Variants in COPS9 observed in about 807,000 individuals in gnomAD.
The protein encoded by COPS9 is COP9 signalosome complex subunit 9.
COPS9 carries 8 observed loss-of-function variants against 7.2 expected under a neutral mutation model. The ratio of observed to expected loss-of-function variants is 1.11; its 90% CI spans 0.65 to 2.00. The LOEUF (loss-of-function observed/expected upper bound fraction) is 2.00. Among genes scored for constraint, COPS9 ranks in the 30% most tolerant of loss-of-function variants. The pLI is 0.00. For synonymous variants in COPS9, 39 were observed against 28.7 expected (o/e 1.36, Z -1.14); for missense variants, 74 against 77.7 (o/e 0.95, Z 0.18).
chr2:240,136,051 G>C, intron 1 of COPS9, 171 bp downstream of exon 1: 1 of 1,109,928 alleles, frequency 9.0e-7, no homozygotes. Context: ...CCTTTCACCA[G>C]GTGCTCGGAG....
Position 240,130,935 on chromosome 2 carries a change from G to C in COPS9, c.*116C>G. 1 of 1,501,866 alleles carries C rather than the reference G, an allele frequency of 6.7e-7. No individual in the cohort carries two copies. Among genetic ancestry groups the C allele is most frequent in the Non-Finnish European group, 8.9e-7 (1 of 1,124,976 alleles). 93.0% of individuals were successfully genotyped at this position (1,501,866 alleles called of 1,614,324 possible). A position where few individuals can be genotyped will look rare whatever the true frequency, so the allele number is the denominator to read the frequency against. Reference sequence around the variant, plus strand: ...CAGTCTTATCTTTCTGGTTAACCAGGTCCTAAATTCAAGGGATTTCCACGT... The same window carrying C: ...CAGTCTTATCTTTCTGGTTAACCAGCTCCTAAATTCAAGGGATTTCCACGT... On this transcript the variant is annotated 3_prime_UTR_variant, in exon 3 of 3. Coordinates refer to ENST00000607357, the MANE Select transcript of COPS9 (RefSeq NM_001163424.2).
intron 1 of COPS9, 51 bp from the exon 2 acceptor site, chr2:240,134,056 G>A (rs376569595): frequency 3.2e-6 from 5 of 1,568,528 alleles, no homozygotes; most frequent in Non-Finnish European, 4.4e-6. Flanking sequence ...CGAAAGAACA[G>A]GTGATAAGTG....
chr2:240,126,671 T>C, downstream of COPS9: 2 of 1,614,200 alleles, frequency 1.2e-6, no homozygotes, highest in South Asian at 2.2e-5. Flanking sequence ...GAGTAGAAAC[T>C]GATATTGTGC....
chr2:240,126,676 T>C (rs146329964), downstream of COPS9: 14 of 1,614,104 alleles, frequency 8.7e-6, no homozygotes, highest in South Asian at 6.6e-5. Context: ...GAAACTGATA[T>C]TGTGCTGTCT....
At chr2:240,136,033 G>T (rs551524839) in intron 1 of COPS9, 189 bp downstream of exon 1, 1 of 965,478 alleles carries the variant, frequency 1.0e-6, no homozygotes. Flanking sequence ...CGCCGCGGTC[G>T]GTCGCCGCCT....
chr2:240,127,795 T>C (rs1299907006), downstream of COPS9, among the ~76,000 whole-genome samples: 1 of 152,166 alleles, frequency 6.6e-6, no homozygotes, highest in Non-Finnish European at 1.5e-5. Flanking sequence ...TTGTTTACAC[T>C]TAAGAAATGC....
rs1052861906 is a variant in COPS9 at position 240,132,124 on chromosome 2, C to T, written c.137-1036G>A. On this transcript the variant is annotated intron_variant, in intron 2 of 2. Coordinates refer to ENST00000607357, the MANE Select transcript of COPS9 (RefSeq NM_001163424.2). This position sits in a 1 kb window ranked among gnomAD's most constrained non-coding sequence, Gnocchi z 4.1. ...GCTCTGCTGCCCCCTCTGGAGAAACCTCCCTCTGCAGTGCTCCCAGAAACA... is the reference window on the plus strand; with the variant it reads ...GCTCTGCTGCCCCCTCTGGAGAAACTTCCCTCTGCAGTGCTCCCAGAAACA... Among the ~76,000 whole-genome samples, 2 of 152,202 alleles carry T rather than the reference C, an allele frequency of 1.3e-5. No individual in the cohort carries two copies. The highest frequency in any genetic ancestry group is 4.8e-5 in the African/African-American group (2 of 41,448).
At chr2:240,134,125 G>T in intron 1 of COPS9, 120 bp from the exon 2 acceptor site, 1 of 855,000 alleles carries the variant, frequency 1.2e-6, no homozygotes, top group Non-Finnish European at 1.9e-6. Context: ...ACAGGCTCAA[G>T]TTGGAGTCAA....
chr2:240,134,015 G>A lies in COPS9; in HGVS notation c.64-10C>T, dbSNP rs1319606783. ...CGGTGCTGCCTCCCGCCTGGGGAAT[G>A]GAAAGGCAAGGTTATGTCAGGTGCG... On this transcript the variant is annotated splice_polypyrimidine_tract_variant and intron_variant, in intron 1 of 2. Transcript: ENST00000607357. The A allele has an allele frequency of 1.9e-6, 3 of 1,614,090 alleles. No individual in the cohort carries two copies. The East Asian group carries it at 6.7e-5, about 36-fold the overall frequency.
At position 240,130,989 on chromosome 2, in the gene COPS9, G is replaced by C. The variant is rs756462534; in HGVS notation, c.*62C>G. ...CTTTAAAACCACCTGAAACTGTCCT[G>C]CGCAGGCTCACACTGCGGCTCTGTA... is the stretch of plus-strand genomic sequence containing the variant. On this transcript the variant is annotated 3_prime_UTR_variant, in exon 3 of 3. Transcript: ENST00000607357. The C allele has an allele frequency of 6.3e-7, 1 of 1,596,514 alleles. No individual in the cohort carries two copies. The highest frequency in any genetic ancestry group is 8.5e-7 in the Non-Finnish European group (1 of 1,172,622).
rs2071951851 is a variant in COPS9 at position 240,134,293 on chromosome 2, C to T, written c.64-288G>A. ...CTAAGCACCACTACTTCTCTGTGCC[C>T]CTCAAGGAGAGCTTTCCGATCCCTC... is the stretch of plus-strand genomic sequence containing the variant. On this transcript the variant is annotated intron_variant, in intron 1 of 2. Transcript: ENST00000607357. 1.2e-5 allele frequency: 4 copies of T among 333,084 alleles called. No homozygotes were observed. The East Asian group carries it at 1.7e-4, about 14-fold the overall frequency. 20.6% of individuals were successfully genotyped at this position (333,084 alleles called of 1,614,324 possible).
At chr2:240,127,278 C>T (rs531247384), downstream of COPS9, among the ~76,000 whole-genome samples, 6 of 151,064 alleles carry the variant, frequency 4.0e-5, no homozygotes, top group Admixed American at 6.6e-5. Context: ...ATTATGACCC[C>T]ACCTTACAGC....
At chr2:240,134,901 C>T (rs540060159) in intron 1 of COPS9, among the ~76,000 whole-genome samples, 3 of 152,136 alleles carry the variant, frequency 2.0e-5, no homozygotes, top group Non-Finnish European at 2.9e-5. Context: ...TTTCTACCCT[C>T]TCACCCGTAA....
At chr2:240,133,559 C>T (rs74376996) in intron 2 of COPS9, among the ~76,000 whole-genome samples, 5,895 of 152,254 alleles carry the variant, frequency 0.039, 176 homozygotes, top group Admixed American at 0.1. Context: ...GAAAGGAAAC[C>T]GGCTACCCGG....
chr2:240,129,214 G>A (rs992896620), downstream of COPS9, among the ~76,000 whole-genome samples: 3 of 152,248 alleles, frequency 2.0e-5, no homozygotes, highest in African/African-American at 7.2e-5. Flanking sequence ...CCAGGCTGGA[G>A]TGCAGTGGTG....
downstream of COPS9, chr2:240,129,936 G>A (rs746110069): frequency 2.5e-6 from 4 of 1,614,024 alleles, no homozygotes; most frequent in East Asian, 8.9e-5. Context: ...AGGCCGCTCT[G>A]CTGCCTTCCC....
chr2:240,132,993 C>G lies in COPS9; in HGVS notation c.136+940G>C, dbSNP rs77427099. Reference sequence around the variant, plus strand: ...TGCCTCAGGGGCATGGCCAGGCACCCTGGGAAAGCCTGCACCCCAACTCAG... The same window carrying G: ...TGCCTCAGGGGCATGGCCAGGCACCGTGGGAAAGCCTGCACCCCAACTCAG... On this transcript the variant is annotated intron_variant, in intron 2 of 2. Coordinates refer to ENST00000607357, the MANE Select transcript of COPS9 (RefSeq NM_001163424.2). The surrounding 1 kb of genome is among the most constrained non-coding windows in gnomAD (Gnocchi z 4.1). Among the ~76,000 whole-genome samples the G allele has an allele frequency of 1.8e-3, 273 of 152,346 alleles. No individual in the cohort carries two copies. The highest frequency in any genetic ancestry group is 9.8e-3 in the East Asian group (51 of 5,178).
intron 1 of COPS9, 190 bp downstream of exon 1, chr2:240,136,032 C>T: frequency 3.1e-6 from 3 of 955,038 alleles, no homozygotes; most frequent in Non-Finnish European, 4.3e-6. Flanking sequence ...CCGCCGCGGT[C>T]GGTCGCCGCC....
chr2:240,128,595 C>T (rs993810034), downstream of COPS9, among the ~76,000 whole-genome samples: 7 of 152,212 alleles, frequency 4.6e-5, no homozygotes, highest in South Asian at 2.1e-4. Context: ...TGGCAGGGAT[C>T]GGTATAGAGG....
Sources: allele counts gnomAD v4.1 joint callset (sites outside exome capture counted in the v4.1 genomes callset), GRCh38; gene constraint gnomAD v4.1.1; non-coding constraint Gnocchi (gnomAD v3.1); transcripts MANE v1.5; gene names NCBI Gene and HGNC (gene_info 2026-07-23, HGNC 2026-07-21).